The following IQCM variants were observed in gnomAD, a reference collection of about 807,000 sequenced individuals.
IQCM encodes IQ domain-containing protein M.
A neutral mutation model predicts 57.6 loss-of-function variants in IQCM; 45 were observed. The ratio of observed to expected loss-of-function variants is 0.78; its 90% confidence interval spans 0.62 to 1.00. The LOEUF (loss-of-function observed/expected upper bound fraction) is 1.00, where lower values mean the gene tolerates loss of function less well. IQCM is among the 50% of genes least tolerant of loss of function. The pLI, the probability that IQCM is intolerant of heterozygous loss-of-function variation, is 0.00. For missense variants in IQCM, 468 were observed against 511.6 expected, an observed-to-expected ratio of 0.91 and a Z score of 0.82; for synonymous variants, 148 against 158.9, an observed-to-expected ratio of 0.93 and a Z score of 0.51.
chr4:149,384,903 T>C (rs1731313328), intron 13 of IQCM, among the ~76,000 whole-genome samples: 1 of 152,120 alleles, frequency 6.6e-6, no homozygotes, highest in African/African-American at 2.4e-5. Flanking sequence ...TTATTATCTA[T>C]TTCTGTGGTG....
intron 13 of IQCM, among the ~76,000 whole-genome samples, chr4:149,379,822 T>A (rs998719144): frequency 2.0e-5 from 3 of 152,116 alleles, no homozygotes; most frequent in Admixed American, 6.6e-5. Context: ...AAGTGTGGAA[T>A]CATAGGGTTT....
intron 7 of IQCM, among the ~76,000 whole-genome samples, chr4:149,665,124 TGG>T (rs952706425): frequency 1.2e-4 from 19 of 152,262 alleles, no homozygotes; most frequent in Admixed American, 1.1e-3. Context: ...CAGTGGCTAC[TGG>T]CCCCTGGGGT....
intron 13 of IQCM, among the ~76,000 whole-genome samples, chr4:149,394,542 T>A (rs1201429173): frequency 6.6e-6 from 1 of 152,020 alleles, no homozygotes; most frequent in Non-Finnish European, 1.5e-5. Context: ...CACCTGCCTA[T>A]GGAGAGAGTC....
intron 12 of IQCM, among the ~76,000 whole-genome samples, chr4:149,505,392 T>TA (rs1171999350): frequency 1.3e-5 from 2 of 152,200 alleles, no homozygotes; most frequent in Non-Finnish European, 1.5e-5. Flanking sequence ...CGAATACTCT[T>TA]AGAGTTTCCC....
chr4:149,621,354 C>T, intron 7 of IQCM, 110 bp from the exon 8 acceptor site: 1 of 424,044 alleles, frequency 2.4e-6, no homozygotes, highest in East Asian at 3.6e-5. Context: ...TATGGCCTCA[C>T]TATTCTGTAT....
chr4:149,762,365 A>C (rs1310526855), intron 2 of IQCM, among the ~76,000 whole-genome samples: 1 of 152,084 alleles, frequency 6.6e-6, no homozygotes, highest in Non-Finnish European at 1.5e-5. Flanking sequence ...AGTTTAAGCA[A>C]AATATTAAGA....
chr4:149,749,409 A>G (rs956255372), intron 2 of IQCM, among the ~76,000 whole-genome samples: 1 of 152,214 alleles, frequency 6.6e-6, no homozygotes, highest in African/African-American at 2.4e-5. Flanking sequence ...TCTCACATAT[A>G]TTATTTTGAA....
chr4:149,743,815 G>A (rs775792831), intron 2 of IQCM, among the ~76,000 whole-genome samples: 7 of 152,144 alleles, frequency 4.6e-5, no homozygotes, highest in Non-Finnish European at 8.8e-5. Context: ...TATCCAAAAT[G>A]CATCAAATGT....
intron 13 of IQCM, among the ~76,000 whole-genome samples, chr4:149,366,339 CT>C (rs1202202837): frequency 4.0e-5 from 6 of 151,864 alleles, no homozygotes; most frequent in Admixed American, 2.0e-4. Flanking sequence ...CTACTTATGG[CT>C]TTTAGAAAGA....
chr4:149,426,198 A>G (rs1011115786), intron 13 of IQCM, among the ~76,000 whole-genome samples: 2 of 152,020 alleles, frequency 1.3e-5, no homozygotes, highest in East Asian at 3.9e-4. Flanking sequence ...TTAAATATCA[A>G]CCAGTGACAG....
intron 4 of IQCM, 46 bp downstream of exon 4, chr4:149,735,330 T>A (rs557529030): frequency 1.0e-6 from 1 of 957,304 alleles, no homozygotes; most frequent in African/African-American, 1.7e-5. Flanking sequence ...CCTTGTAGTA[T>A]GCAAAAATTT....
intron 7 of IQCM, among the ~76,000 whole-genome samples, chr4:149,654,662 C>T (rs147716537): frequency 2.0e-5 from 3 of 152,210 alleles, no homozygotes; most frequent in East Asian, 3.9e-4. Context: ...ATACACTGTA[C>T]ATTTACTAAG....
intron 9 of IQCM, among the ~76,000 whole-genome samples, chr4:149,578,382 G>A (rs1159452870): frequency 1.3e-5 from 2 of 151,696 alleles, no homozygotes; most frequent in Non-Finnish European, 2.9e-5. Context: ...TTACCATTGA[G>A]GTCAACTGAA....
intron 12 of IQCM, among the ~76,000 whole-genome samples, chr4:149,507,095 C>T (rs1159225837): frequency 1.3e-5 from 2 of 152,078 alleles, no homozygotes; most frequent in African/African-American, 4.8e-5. Context: ...TTGTCTACTG[C>T]CAGTGTGTGA....
chr4:149,540,449 T>A (rs1288899097), intron 12 of IQCM, among the ~76,000 whole-genome samples: 1 of 151,758 alleles, frequency 6.6e-6, no homozygotes, highest in Non-Finnish European at 1.5e-5. Flanking sequence ...TTTTTGGAAA[T>A]GGCAAATCTA....
intron 9 of IQCM, among the ~76,000 whole-genome samples, chr4:149,581,425 C>T (rs985557460): frequency 6.6e-6 from 1 of 151,338 alleles, no homozygotes; most frequent in Non-Finnish European, 1.5e-5. Context: ...GGTCTATCTC[C>T]CTTCTATGCC....
chr4:149,495,560 A>T (rs1742567515), intron 12 of IQCM, among the ~76,000 whole-genome samples: 1 of 152,112 alleles, frequency 6.6e-6, no homozygotes, highest in Admixed American at 6.6e-5. Flanking sequence ...ATATACACAC[A>T]CTAAAAGTGC....
At chr4:149,702,622 C>G (rs1349368133) in intron 5 of IQCM, among the ~76,000 whole-genome samples, 1 of 151,770 alleles carries the variant, frequency 6.6e-6, no homozygotes, top group Non-Finnish European at 1.5e-5. Flanking sequence ...CTGAGACCCA[C>G]TGGTAAGCAT....
At chr4:149,757,075 A>G (rs1477543509) in intron 2 of IQCM, among the ~76,000 whole-genome samples, 1 of 151,958 alleles carries the variant, frequency 6.6e-6, no homozygotes, top group Non-Finnish European at 1.5e-5. Context: ...TGGCTAACAC[A>G]GTGAAACCCC....
Sources: gnomAD v4.1 joint callset for allele counts (sites outside exome capture counted in the v4.1 genomes callset) on GRCh38, gnomAD v4.1.1 for gene constraint, MANE v1.5 for transcripts, NCBI Gene and HGNC (gene_info 2026-07-23, HGNC 2026-07-21) for gene names.